The following BMAL1 variants were observed in gnomAD, a reference collection of about 807,000 sequenced individuals.
BMAL1 encodes the protein basic helix-loop-helix ARNT like 1, also known as basic helix-loop-helix ARNT-like protein 1.
chr11:13,284,971 C>A, the BMAL1 span, among the ~76,000 whole-genome samples: 40 of 152,236 alleles, frequency 2.6e-4, 1 homozygote, highest in East Asian at 7.7e-3. Context: ...TCTCCGCTGT[C>A]CTCCCTAGGC....
chr11:13,357,153 C>G, the BMAL1 span: 1 of 1,606,942 alleles, frequency 6.2e-7, no homozygotes, highest in African/African-American at 1.3e-5. The surrounding 1 kb of genome is among the most constrained non-coding windows in gnomAD (Gnocchi z 4.8). Flanking sequence ...GCTTAGAGAG[C>G]AGCTGAGGAG....
At chr11:13,318,773 T>C in the BMAL1 span, among the ~76,000 whole-genome samples, 1 of 152,084 alleles carries the variant, frequency 6.6e-6, no homozygotes, top group South Asian at 2.1e-4. Context: ...TGGTGGTCAC[T>C]CTAGGGGAGG....
At chr11:13,346,813 A>G in the BMAL1 span, among the ~76,000 whole-genome samples, 2 of 152,192 alleles carry the variant, frequency 1.3e-5, no homozygotes, top group Non-Finnish European at 2.9e-5. Flanking sequence ...ACCACAGGCT[A>G]GGCTCTCCCC....
At chr11:13,302,365 G>A in the BMAL1 span, among the ~76,000 whole-genome samples, 1 of 152,200 alleles carries the variant, frequency 6.6e-6, no homozygotes, top group Non-Finnish European at 1.5e-5. Flanking sequence ...CTGTTGATGA[G>A]TATCACTGTC....
the BMAL1 span, among the ~76,000 whole-genome samples, chr11:13,348,832 C>T: frequency 3.3e-5 from 5 of 152,154 alleles, no homozygotes; most frequent in Non-Finnish European, 7.3e-5. Flanking sequence ...CAGTTGTATT[C>T]GCAGATATTC....
chr11:13,363,572 ACTT>A, the BMAL1 span, among the ~76,000 whole-genome samples: 1 of 152,174 alleles, frequency 6.6e-6, no homozygotes, highest in African/African-American at 2.4e-5. Flanking sequence ...CAGGAGCTGG[ACTT>A]CTGCTTTTCC....
At chr11:13,348,471 G>A in the BMAL1 span, among the ~76,000 whole-genome samples, 1 of 152,226 alleles carries the variant, frequency 6.6e-6, no homozygotes, top group South Asian at 2.1e-4. Context: ...CAGTGACAAG[G>A]ATCTGGAGGG....
chr11:13,305,030 T>A, the BMAL1 span, among the ~76,000 whole-genome samples: 1 of 152,192 alleles, frequency 6.6e-6, no homozygotes, highest in Non-Finnish European at 1.5e-5. Context: ...AAAGCCTCTG[T>A]GTTTGAGAGT....
the BMAL1 span, among the ~76,000 whole-genome samples, chr11:13,377,914 G>A: frequency 6.6e-6 from 1 of 152,174 alleles, no homozygotes; most frequent in Non-Finnish European, 1.5e-5. Flanking sequence ...TCCAGAAGCT[G>A]CACCTGGCCC....
chr11:13,345,497 T>A, the BMAL1 span, among the ~76,000 whole-genome samples: 1 of 152,250 alleles, frequency 6.6e-6, no homozygotes, highest in East Asian at 1.9e-4. Context: ...CTTTTTCTTA[T>A]AAATTCTCCT....
the BMAL1 span, among the ~76,000 whole-genome samples, chr11:13,381,427 G>A: frequency 2.6e-5 from 4 of 152,198 alleles, no homozygotes; most frequent in Non-Finnish European, 5.9e-5. Flanking sequence ...GTAGGGCTAG[G>A]GAGGCTTGCT....
the BMAL1 span, among the ~76,000 whole-genome samples, chr11:13,364,571 G>C: frequency 6.6e-6 from 1 of 152,186 alleles, no homozygotes; most frequent in Non-Finnish European, 1.5e-5. Context: ...ATAAGAGCAA[G>C]GGCATGACAG....
chr11:13,364,124 C>T, the BMAL1 span, among the ~76,000 whole-genome samples: 1 of 152,224 alleles, frequency 6.6e-6, no homozygotes, highest in African/African-American at 2.4e-5. Context: ...CCATGAGATA[C>T]AAGATTATCT....
At chr11:13,322,243 G>A in the BMAL1 span, among the ~76,000 whole-genome samples, 1 of 152,186 alleles carries the variant, frequency 6.6e-6, no homozygotes, top group Non-Finnish European at 1.5e-5. Context: ...CAACTCCTGA[G>A]TGCACTGGTT....
chr11:13,360,290 A>G, the BMAL1 span: 1 of 1,516,098 alleles, frequency 6.6e-7, no homozygotes, highest in Non-Finnish European at 9.1e-7. Context: ...GCAAGTTAGA[A>G]TGAGACATTT....
chr11:13,368,981 CACTT>C, the BMAL1 span, among the ~76,000 whole-genome samples: 1 of 152,192 alleles, frequency 6.6e-6, no homozygotes. Flanking sequence ...GTGTATTTAA[CACTT>C]ACAGCACATT....
the BMAL1 span, among the ~76,000 whole-genome samples, chr11:13,363,160 A>ATATATATATG: frequency 6.9e-6 from 1 of 144,066 alleles, no homozygotes; most frequent in Non-Finnish European, 1.5e-5. Flanking sequence ...ATATATATAT[A>ATATATATATG]TATATATGTA....
At chr11:13,300,255 T>C in the BMAL1 span, among the ~76,000 whole-genome samples, 1 of 152,260 alleles carries the variant, frequency 6.6e-6, no homozygotes, top group African/African-American at 2.4e-5. Flanking sequence ...CTTCTAATTT[T>C]TGCTCTTTCA....
the BMAL1 span, among the ~76,000 whole-genome samples, chr11:13,354,142 C>A: frequency 1.3e-5 from 2 of 152,114 alleles, no homozygotes; most frequent in African/African-American, 4.8e-5. Flanking sequence ...GTTCTGGGTC[C>A]GGGGGTGTGA....
Sources: gnomAD v4.1 joint callset for allele counts (sites outside exome capture counted in the v4.1 genomes callset) on GRCh38, gnomAD v4.1.1 for gene constraint, Gnocchi (gnomAD v3.1) non-coding constraint, MANE v1.5 for transcripts, NCBI Gene and HGNC (gene_info 2026-07-23, HGNC 2026-07-21) for gene names.